The following AK9 variants were observed in gnomAD, a reference collection of about 807,000 sequenced individuals.
AK9 encodes the protein adenylate kinase 9, also known as adenylate kinase domain containing 1.
In AK9, 191 loss-of-function variants were observed where a neutral mutation model predicts 239.6. That is an observed-to-expected ratio of 0.80 (90% confidence interval 0.71 to 0.90). The LOEUF is 0.90. Among genes scored for constraint, AK9 ranks in the 40% least tolerant of loss-of-function variants. The pLI, the probability that AK9 is intolerant of heterozygous loss-of-function variation, is 0.00. For synonymous variants in AK9, 689 were observed against 721.0 expected (o/e 0.96, Z 0.71); for missense variants, 1,995 against 2,214.7 (o/e 0.90, Z 1.99).
At chr6:109,523,613 G>C (rs961507176) in intron 29 of AK9, among the ~76,000 whole-genome samples, 1 of 152,118 alleles carries the variant, frequency 6.6e-6, no homozygotes, top group Non-Finnish European at 1.5e-5. Context: ...GAGTAGTGGT[G>C]GTTTGGTGTG....
chr6:109,495,386 C>T lies in AK9; in HGVS notation c.5370G>A (p.Arg1790=). 1 of 1,613,754 alleles carries T rather than the reference C, an allele frequency of 6.2e-7. No homozygotes were observed. The highest frequency in any genetic ancestry group is 8.5e-7 in the Non-Finnish European group (1 of 1,179,892). ...GAAGACTAGTAAGAAGTATCGGTTC[C>T]CTTAATGGGGGAAGCTTGTGTGGAA... ...QKLPHKLPPL[R]EPILLTSLPL... is the part of the protein sequence containing the mutation. Residue 1790 remains arginine (R), a synonymous_variant, in exon 39 of 41, where the codon AGG becomes AGA. Transcript: ENST00000424296.
chr6:109,563,800 T>C, intron 23 of AK9, 88 bp from the exon 24 acceptor site: 1 of 1,289,594 alleles, frequency 7.8e-7, no homozygotes, highest in South Asian at 1.5e-5. Flanking sequence ...GGAAAATTGA[T>C]TATTATTATT....
chr6:109,566,319 T>C (rs1004267483), intron 21 of AK9, among the ~76,000 whole-genome samples: 4 of 152,130 alleles, frequency 2.6e-5, no homozygotes, highest in African/African-American at 9.7e-5. Flanking sequence ...GAGTTGGATA[T>C]ATTCTGCTTC....
intron 29 of AK9, 133 bp from the exon 30 acceptor site, chr6:109,516,775 G>A (rs931756629): frequency 1.3e-5 from 10 of 754,194 alleles, no homozygotes; most frequent in African/African-American, 3.5e-5. Context: ...ATCTAGTAAC[G>A]CAATAAGGTT....
chr6:109,527,656 A>G (rs1343868340), intron 29 of AK9: 2 of 152,178 alleles, frequency 1.3e-5, no homozygotes, highest in Non-Finnish European at 2.9e-5. Flanking sequence ...TTCATCAAAC[A>G]TCTCAGGAGT....
chr6:109,518,669 T>C (rs1779506769), intron 29 of AK9, among the ~76,000 whole-genome samples: 1 of 151,956 alleles, frequency 6.6e-6, no homozygotes, highest in Admixed American at 6.6e-5. Context: ...TACAAATGTT[T>C]TACTATATAT....
chr6:109,638,863 C>T (rs922673884), intron 10 of AK9, among the ~76,000 whole-genome samples: 4 of 152,154 alleles, frequency 2.6e-5, no homozygotes, highest in African/African-American at 9.7e-5. Context: ...CAAATGTTCT[C>T]ATTGTTCAAT....
At position 109,548,102 on chromosome 6, in the gene AK9, C is replaced by T. The variant is rs1783831232; in HGVS notation, c.2965-1975G>A. Among the ~76,000 whole-genome samples, 3 of 152,200 alleles carry T rather than the reference C, an allele frequency of 2.0e-5. No homozygotes were observed. In the East Asian group the frequency reaches 5.8e-4, roughly 29 times the overall value. ...ATGTGAAGAAAGGGGAACACTTGTACACTGTTGTGGAAATGTAAAGTAGGA... is the reference window on the plus strand; with the variant it reads ...ATGTGAAGAAAGGGGAACACTTGTATACTGTTGTGGAAATGTAAAGTAGGA... On this transcript the variant is annotated intron_variant, in intron 25 of 40. Coordinates refer to ENST00000424296, the MANE Select transcript of AK9 (RefSeq NM_001145128.3).
At chr6:109,689,285 T>A (rs955249958) in intron 1 of AK9, among the ~76,000 whole-genome samples, 1 of 152,188 alleles carries the variant, frequency 6.6e-6, no homozygotes, top group Non-Finnish European at 1.5e-5. Flanking sequence ...GGAGGAAGAA[T>A]GGATACGAGT....
At chr6:109,635,278 A>G (rs1562526425) in intron 10 of AK9, among the ~76,000 whole-genome samples, 1 of 152,230 alleles carries the variant, frequency 6.6e-6, no homozygotes, top group Non-Finnish European at 1.5e-5. Context: ...TGAAAGCTAA[A>G]TATCTGTAGA....
At chr6:109,554,530 T>C (rs200066705) in intron 24 of AK9, among the ~76,000 whole-genome samples, 464 of 126,486 alleles carry the variant, frequency 3.7e-3, no homozygotes, top group Non-Finnish European at 4.3e-3. Context: ...CTTTTCTTTT[T>C]TTTTTTTTTT....
chr6:109,535,314 G>A (rs1781832433), intron 27 of AK9, among the ~76,000 whole-genome samples: 1 of 152,176 alleles, frequency 6.6e-6, no homozygotes, highest in Non-Finnish European at 1.5e-5. Context: ...GGTGTGAGAT[G>A]GTAACTCATT....
At chr6:109,634,491 C>T (rs1330611631) in intron 10 of AK9, among the ~76,000 whole-genome samples, 1 of 152,198 alleles carries the variant, frequency 6.6e-6, no homozygotes, top group Non-Finnish European at 1.5e-5. Flanking sequence ...CCCCCCAACC[C>T]TCAGATGTGG....
At chr6:109,601,931 G>A (rs563631426) in intron 17 of AK9, among the ~76,000 whole-genome samples, 28 of 152,108 alleles carry the variant, frequency 1.8e-4, no homozygotes, top group Admixed American at 3.3e-4. Context: ...TTGCTTTGTA[G>A]ATCTTCCTCC....
intron 17 of AK9, among the ~76,000 whole-genome samples, chr6:109,605,241 G>T (rs1167147638): frequency 6.6e-6 from 1 of 152,106 alleles, no homozygotes; most frequent in Non-Finnish European, 1.5e-5. Context: ...TTTGAGAACA[G>T]TCTGGGCAAC....
intron 17 of AK9, among the ~76,000 whole-genome samples, chr6:109,603,180 G>GT (rs1792299514): frequency 6.6e-6 from 1 of 152,136 alleles, no homozygotes; most frequent in African/African-American, 2.4e-5. Context: ...TTTCTGCTCT[G>GT]TTTTTTCCCC....
chr6:109,638,342 G>C (rs563481016), intron 10 of AK9, among the ~76,000 whole-genome samples: 3 of 152,118 alleles, frequency 2.0e-5, no homozygotes, highest in Non-Finnish European at 4.4e-5. Context: ...CATATTGCAG[G>C]GGTCCCAGCA....
chr6:109,636,029 T>C (rs1796667649), intron 10 of AK9, among the ~76,000 whole-genome samples: 1 of 152,190 alleles, frequency 6.6e-6, no homozygotes, highest in South Asian at 2.1e-4. Context: ...CCTTTTTTAA[T>C]ATATACCATT....
chr6:109,592,767 T>C (rs1032437889), intron 17 of AK9, among the ~76,000 whole-genome samples: 4 of 146,902 alleles, frequency 2.7e-5, no homozygotes, highest in African/African-American at 9.8e-5. Flanking sequence ...TATAAGTGAT[T>C]AGATGCTTCT....
Sources: gnomAD v4.1 joint callset for allele counts (sites outside exome capture counted in the v4.1 genomes callset) on GRCh38, gnomAD v4.1.1 for gene constraint, MANE v1.5 for transcripts, NCBI Gene and HGNC (gene_info 2026-07-23, HGNC 2026-07-21) for gene names.